The following PCNX2 variants were observed in gnomAD, a reference collection of about 807,000 sequenced individuals.
PCNX2 encodes pecanex-like protein 2.
In PCNX2, 168 loss-of-function variants were observed where a neutral mutation model predicts 223.8. The observed-to-expected ratio is 0.75, with a 90% CI of 0.66 to 0.85. The LOEUF (loss-of-function observed/expected upper bound fraction) is 0.85. Ranked by LOEUF, PCNX2 falls within the 40% of genes least tolerant of loss-of-function variation. PCNX2 has a pLI of 0.00. For synonymous variants in PCNX2, 1,006 were observed against 1,052.6 expected, an observed-to-expected ratio of 0.96 and a Z score of 0.86; for missense variants, 2,507 against 2,675.5, an observed-to-expected ratio of 0.94 and a Z score of 1.39.
At chr1:233,095,198 T>C (rs556542232) in intron 22 of PCNX2, among the ~76,000 whole-genome samples, 17 of 152,350 alleles carry the variant, frequency 1.1e-4, no homozygotes, top group Admixed American at 9.8e-4. Flanking sequence ...ATTAAAACTA[T>C]TATGTAAACA....
intron 17 of PCNX2, among the ~76,000 whole-genome samples, chr1:233,163,514 G>A (rs1277476469): frequency 6.6e-6 from 1 of 151,274 alleles, no homozygotes; most frequent in Non-Finnish European, 1.5e-5. Flanking sequence ...AACTTAACAA[G>A]TTTATATGTA....
the PCNX2 span, among the ~76,000 whole-genome samples, chr1:233,315,303 A>G: frequency 3.3e-5 from 5 of 152,146 alleles, no homozygotes; most frequent in African/African-American, 1.2e-4. Context: ...AGAAACCGGA[A>G]CTACACAGAT....
chr1:233,227,093 T>C lies in PCNX2; in HGVS notation c.2504+133A>G, dbSNP rs966362505. On this transcript the variant is annotated intron_variant, in intron 10 of 33. Coordinates refer to ENST00000258229, the MANE Select transcript of PCNX2 (RefSeq NM_014801.4). ...TTGTCAGGATCTTTTTGCTTTAACT[T>C]TGGGTTGTCAGCAAAGGAAGCGTAC... The C allele has an allele frequency of 3.7e-6, 4 of 1,070,902 alleles. No individual in the cohort carries two copies. The African/African-American group carries it at 6.5e-5, about 17-fold the overall frequency. 66.3% of individuals were successfully genotyped at this position (1,070,902 alleles called of 1,614,324 possible).
At chr1:233,169,247 T>C (rs942766409) in intron 17 of PCNX2, among the ~76,000 whole-genome samples, 2 of 152,184 alleles carry the variant, frequency 1.3e-5, no homozygotes, top group African/African-American at 4.8e-5. Context: ...GTGTGTGTTA[T>C]TTATTTTATG....
chr1:233,205,853 G>A (rs957249699), intron 13 of PCNX2, among the ~76,000 whole-genome samples: 3 of 152,178 alleles, frequency 2.0e-5, no homozygotes, highest in African/African-American at 4.8e-5. Flanking sequence ...TTTTCTGAGC[G>A]AATAAGCTAG....
chr1:233,199,062 G>T, intron 14 of PCNX2, 32 bp from the exon 15 acceptor site: 1 of 1,513,558 alleles, frequency 6.6e-7, no homozygotes, highest in South Asian at 1.3e-5. Context: ...TTCTTTTCTA[G>T]ACCCGCCATT....
intron 20 of PCNX2, among the ~76,000 whole-genome samples, chr1:233,138,455 G>A (rs1405706982): frequency 6.6e-6 from 1 of 152,106 alleles, no homozygotes; most frequent in East Asian, 1.9e-4. Flanking sequence ...TACCTTCTTT[G>A]CTACTCTGGC....
intron 19 of PCNX2, among the ~76,000 whole-genome samples, chr1:233,158,649 A>G (rs964753615): frequency 1.3e-5 from 2 of 152,224 alleles, no homozygotes; most frequent in African/African-American, 4.8e-5. Flanking sequence ...AAGGAAATGT[A>G]TAGGTAAAGG....
intron 15 of PCNX2, among the ~76,000 whole-genome samples, chr1:233,184,653 A>G (rs370839447): frequency 1.1e-3 from 165 of 152,318 alleles, no homozygotes; most frequent in African/African-American, 3.6e-3. Context: ...TTTCTGTCCT[A>G]TATTAGTAGA....
chr1:233,207,018 A>AAAG (rs58751327), intron 13 of PCNX2, among the ~76,000 whole-genome samples: 7,273 of 150,516 alleles, frequency 0.048, 566 homozygotes, highest in African/African-American at 0.16. Flanking sequence ...CAAAAAAAAA[A>AAAG]AAGAAGAAGA....
At chr1:233,247,821 T>C (rs978209770) in intron 8 of PCNX2, among the ~76,000 whole-genome samples, 2 of 143,446 alleles carry the variant, frequency 1.4e-5, no homozygotes, top group African/African-American at 5.3e-5. Flanking sequence ...GAGGTTGCAG[T>C]GAGCCAAGAT....
chr1:233,283,496 C>A (rs1232449471), intron 1 of PCNX2, among the ~76,000 whole-genome samples: 1 of 152,068 alleles, frequency 6.6e-6, no homozygotes, highest in Non-Finnish European at 1.5e-5. Context: ...GGGTAGAAAG[C>A]AACAACGTGC....
intron 21 of PCNX2, among the ~76,000 whole-genome samples, chr1:233,113,802 G>A (rs999030826): frequency 6.6e-6 from 1 of 152,248 alleles, no homozygotes; most frequent in African/African-American, 2.4e-5. Flanking sequence ...TGCCTATGCA[G>A]TGGCTGCATG....
intron 21 of PCNX2, among the ~76,000 whole-genome samples, chr1:233,108,420 G>A (rs758117815): frequency 1.1e-4 from 17 of 152,174 alleles, no homozygotes; most frequent in Non-Finnish European, 2.2e-4. Context: ...CAGTGGAATC[G>A]ATGAGTTGGT....
chr1:233,315,730 G>A, the PCNX2 span, among the ~76,000 whole-genome samples: 1 of 151,934 alleles, frequency 6.6e-6, no homozygotes, highest in Non-Finnish European at 1.5e-5. Flanking sequence ...CCAACTTTTG[G>A]CATTTAAAAA....
Position 233,160,268 on chromosome 1 carries a change from G to A in PCNX2, c.3517+15C>T, listed in dbSNP as rs747193411. 80 of 1,599,178 alleles carry A rather than the reference G, an allele frequency of 5.0e-5. No homozygotes were observed. The Admixed American group carries it at 1.3e-3, about 26-fold the overall frequency. ...CTCCTTTTTTTTTTTTTTAAATGAG[G>A]GATATATTACTAACCTCTCACTTCC... On this transcript the variant is annotated intron_variant, in intron 19 of 33. Transcript: ENST00000258229.
intron 4 of PCNX2, chr1:233,259,766 T>A (rs1659952150): frequency 1.4e-6 from 1 of 703,360 alleles, no homozygotes; most frequent in East Asian, 1.3e-4. Context: ...TCCAGCTTCA[T>A]CCATGACCCT....
At chr1:233,183,689 T>C (rs572876370) in intron 15 of PCNX2, among the ~76,000 whole-genome samples, 89 of 152,256 alleles carry the variant, frequency 5.8e-4, no homozygotes, top group Non-Finnish European at 1.0e-3. Flanking sequence ...CCCAGAAGCA[T>C]AACCATGAAC....
rs1669661617 is a variant in PCNX2 at position 232,990,589 on chromosome 1, A to G, written c.5792-4049T>C. Among the ~76,000 whole-genome samples, 1 of 152,188 alleles carries G rather than the reference A, an allele frequency of 6.6e-6. No individual in the cohort carries two copies. The highest frequency in any genetic ancestry group is 2.4e-5 in the African/African-American group (1 of 41,458). ...AGCTGTAGTGTAAGTGGCTGAGGCCAGGAGGGGTAACCATCCACTCATTCG... is the reference window on the plus strand; with the variant it reads ...AGCTGTAGTGTAAGTGGCTGAGGCCGGGAGGGGTAACCATCCACTCATTCG... On this transcript the variant is annotated intron_variant, in intron 32 of 33. Transcript: ENST00000258229. This position sits in a 1 kb window ranked among gnomAD's most constrained non-coding sequence, Gnocchi z 4.3.
Sources: allele counts gnomAD v4.1 joint callset (sites outside exome capture counted in the v4.1 genomes callset), GRCh38; gene constraint gnomAD v4.1.1; non-coding constraint Gnocchi (gnomAD v3.1); transcripts MANE v1.5; gene names NCBI Gene and HGNC (gene_info 2026-07-23, HGNC 2026-07-21).